PROM1: variants seen among roughly 807,000 people sequenced by gnomAD.
The protein encoded by PROM1 is prominin-1.
PROM1 carries 105 observed loss-of-function variants against 116.9 expected under a neutral mutation model. That is an observed-to-expected ratio of 0.90 (90% CI 0.77 to 1.06). The LOEUF (loss-of-function observed/expected upper bound fraction) is 1.06, where lower values mean the gene tolerates loss of function less well. Ranked by LOEUF, PROM1 falls within the 50% of genes least tolerant of loss-of-function variation. The pLI is 0.00. For synonymous variants in PROM1, 393 were observed against 387.0 expected (o/e 1.02, Z -0.18); for missense variants, 1,122 against 1,045.2 (o/e 1.07, Z -1.01).
intron 26 of PROM1, chr4:15,971,875 T>C (rs1714637871): frequency 6.6e-6 from 1 of 152,204 alleles, no homozygotes; most frequent in Non-Finnish European, 1.5e-5. Context: ...ACATGCTTGG[T>C]TCTGTGTGCC....
At chr4:16,059,561 C>T (rs966162464) in intron 2 of PROM1, among the ~76,000 whole-genome samples, 3 of 151,994 alleles carry the variant, frequency 2.0e-5, no homozygotes, top group African/African-American at 4.8e-5. Flanking sequence ...AAAAATTAGT[C>T]GGGTGGGGTG....
At chr4:15,997,090 G>C (rs1163187067) in intron 15 of PROM1, among the ~76,000 whole-genome samples, 1 of 151,676 alleles carries the variant, frequency 6.6e-6, no homozygotes, top group Non-Finnish European at 1.5e-5. Flanking sequence ...TCATAGCAGA[G>C]AGCTGCCCAT....
chr4:16,061,515 C>T (rs576786575), intron 2 of PROM1, among the ~76,000 whole-genome samples: 1 of 152,346 alleles, frequency 6.6e-6, no homozygotes, highest in Admixed American at 6.5e-5. Context: ...AGCCCACTTT[C>T]TCGGCTGACC....
intron 13 of PROM1, among the ~76,000 whole-genome samples, chr4:16,003,877 T>C (rs1330609049): frequency 6.6e-6 from 1 of 152,192 alleles, no homozygotes; most frequent in Non-Finnish European, 1.5e-5. Context: ...TCCTTCCAGA[T>C]CTTTCACTGG....
chr4:16,027,061 T>C (rs1369514963), intron 5 of PROM1, among the ~76,000 whole-genome samples: 1 of 152,208 alleles, frequency 6.6e-6, no homozygotes, highest in African/African-American at 2.4e-5. Context: ...AGAGTAGTAC[T>C]GGATGTACAC....
chr4:15,992,198 T>C (rs768538519), intron 17 of PROM1, 50 bp downstream of exon 17: 8 of 1,597,258 alleles, frequency 5.0e-6, no homozygotes, highest in Non-Finnish European at 6.8e-6. Flanking sequence ...AATACACATC[T>C]GACACTTTAA....
intron 2 of PROM1, among the ~76,000 whole-genome samples, chr4:16,053,721 A>G (rs1738376133): frequency 6.6e-6 from 1 of 152,196 alleles, no homozygotes; most frequent in Non-Finnish European, 1.5e-5. Context: ...AAACCAAATA[A>G]TTTTTTATCT....
chr4:16,071,653 AGCGAGAAGGTG>A (rs2149563961), intron 2 of PROM1, among the ~76,000 whole-genome samples: 1 of 152,340 alleles, frequency 6.6e-6, no homozygotes, highest in Non-Finnish European at 1.5e-5. Context: ...GTGAGCACAC[AGCGAGAAGGTG>A]GCTGTTCACA....
chr4:16,081,038 C>T (rs140345909), intron 1 of PROM1, among the ~76,000 whole-genome samples: 48 of 150,300 alleles, frequency 3.2e-4, no homozygotes, highest in Middle Eastern at 3.6e-3. Context: ...TATATATATA[C>T]ATATACATAT....
At chr4:16,069,283 T>G (rs916745968) in intron 2 of PROM1, among the ~76,000 whole-genome samples, 4 of 152,032 alleles carry the variant, frequency 2.6e-5, no homozygotes, top group African/African-American at 9.7e-5. Flanking sequence ...AGAGAATAAT[T>G]TTAGAGAATT....
At chr4:15,971,281 A>G (rs1010132039) in intron 26 of PROM1, 199 bp from the exon 27 acceptor site, 3 of 553,848 alleles carry the variant, frequency 5.4e-6, no homozygotes, top group South Asian at 5.2e-5. Flanking sequence ...TAAAAACAGC[A>G]TAGAAGATAA....
intron 5 of PROM1, among the ~76,000 whole-genome samples, chr4:16,027,123 T>G (rs1261190714): frequency 1.3e-5 from 2 of 152,172 alleles, no homozygotes; most frequent in Non-Finnish European, 2.9e-5. Context: ...TCTTATAAAA[T>G]AAATATTAAC....
At chr4:16,034,710 G>T (rs1173308313) in intron 4 of PROM1, among the ~76,000 whole-genome samples, 1 of 152,058 alleles carries the variant, frequency 6.6e-6, no homozygotes, top group Non-Finnish European at 1.5e-5. Context: ...GCAACTAAAT[G>T]GACAATCTAG....
chr4:15,989,854 T>G (rs1346576893), intron 18 of PROM1, 30 bp from the exon 19 acceptor site: 1 of 1,516,670 alleles, frequency 6.6e-7, no homozygotes, highest in Admixed American at 1.9e-5. Context: ...CAAAGATCAA[T>G]ACCATCTTTC....
chr4:16,000,318 G>C (rs140590639), intron 14 of PROM1, among the ~76,000 whole-genome samples, 178 bp downstream of exon 14: 14 of 152,072 alleles, frequency 9.2e-5, no homozygotes, highest in South Asian at 4.1e-4. Context: ...AAATAGAAAG[G>C]ATCTACTGAA....
chr4:16,018,783 C>T (rs551484393), intron 8 of PROM1, among the ~76,000 whole-genome samples: 1 of 152,270 alleles, frequency 6.6e-6, no homozygotes, highest in South Asian at 2.1e-4. Flanking sequence ...GGGCAAGCAC[C>T]AACCCAGGAG....
intron 2 of PROM1, among the ~76,000 whole-genome samples, chr4:16,060,663 C>G (rs945769191): frequency 1.3e-4 from 20 of 152,160 alleles, no homozygotes; most frequent in Non-Finnish European, 2.5e-4. Context: ...CAATAAACAT[C>G]TACCAAACGA....
At chr4:15,976,169 G>A (rs1015917378) in intron 26 of PROM1, 2 of 455,482 alleles carry the variant, frequency 4.4e-6, no homozygotes, top group Non-Finnish European at 8.8e-6. Context: ...TAGAACAATG[G>A]CATTTAATCT....
At chr4:16,029,738 G>T (rs1187509625) in intron 5 of PROM1, among the ~76,000 whole-genome samples, 1 of 152,148 alleles carries the variant, frequency 6.6e-6, no homozygotes, top group East Asian at 1.9e-4. Flanking sequence ...GCATTTAATT[G>T]TAATATTTTG....
Sources: gnomAD v4.1 joint callset for allele counts (sites outside exome capture counted in the v4.1 genomes callset) on GRCh38, gnomAD v4.1.1 for gene constraint, MANE v1.5 for transcripts, NCBI Gene and HGNC (gene_info 2026-07-23, HGNC 2026-07-21) for gene names.